Variants in RNMT observed in about 807,000 individuals in gnomAD.
The protein encoded by RNMT is mRNA cap guanine-N(7) methyltransferase.
RNMT carries 27 observed loss-of-function variants against 56.0 expected under a neutral mutation model. The ratio of observed to expected loss-of-function variants is 0.48; its 90% confidence interval spans 0.36 to 0.67. RNMT has a LOEUF of 0.67. Among genes scored for constraint, RNMT ranks in the 30% least tolerant of loss-of-function variants. The pLI is 0.00. For missense variants in RNMT, 519 were observed against 552.1 expected (o/e 0.94, Z 0.60); for synonymous variants, 184 against 176.2 (o/e 1.04, Z -0.35).
At position 13,763,415 on chromosome 18, in the gene RNMT, G is replaced by A. The variant is rs1052793109; in HGVS notation, c.*3436G>A. The stretch of plus-strand genomic sequence containing the variant: ...CTCCTTAGTGCCTGCACCTCACCAC[G>A]ATATTGAGGAAGCACAGGACATCCA... On this transcript the variant is annotated 3_prime_UTR_variant, in exon 12 of 12. Coordinates refer to ENST00000383314, the MANE Select transcript of RNMT (RefSeq NM_003799.3). 9.6e-5 allele frequency: 23 copies of A among 240,250 alleles called. No individual in the cohort carries two copies. Among genetic ancestry groups the A allele is most frequent in the Non-Finnish European group, 6.0e-5 (7 of 116,614 alleles). 14.9% of individuals were successfully genotyped at this position (240,250 alleles called of 1,614,324 possible). A position where few individuals can be genotyped will look rare whatever the true frequency, so the allele number is the denominator to read the frequency against.
chr18:13,730,348 A>G (rs141001639), intron 1 of RNMT: 2 of 152,184 alleles, frequency 1.3e-5, no homozygotes, highest in East Asian at 3.9e-4. Context: ...AGCCATTTCT[A>G]CTCTCTTCAC....
At chr18:13,735,823 C>G (rs1023591635) in intron 4 of RNMT, among the ~76,000 whole-genome samples, 3 of 152,124 alleles carry the variant, frequency 2.0e-5, no homozygotes, top group Non-Finnish European at 2.9e-5. Flanking sequence ...CCTTTTTCAG[C>G]TGTTCTAGCA....
intron 10 of RNMT, 75 bp from the exon 11 acceptor site, chr18:13,754,039 C>G: frequency 1.3e-6 from 1 of 790,240 alleles, no homozygotes; most frequent in African/African-American, 1.7e-5. Flanking sequence ...CCATCTCTGC[C>G]CATTATTTAG....
intron 5 of RNMT, among the ~76,000 whole-genome samples, chr18:13,737,538 G>A (rs1268676139): frequency 6.6e-6 from 1 of 150,960 alleles, no homozygotes; most frequent in African/African-American, 2.4e-5. Flanking sequence ...GCAAGACTCC[G>A]TCTCGAAAAA....
chr18:13,733,219 A>G (rs915716323), intron 3 of RNMT, among the ~76,000 whole-genome samples: 2 of 152,164 alleles, frequency 1.3e-5, no homozygotes, highest in African/African-American at 2.4e-5. Flanking sequence ...TTTGGCTGAA[A>G]AGGGAGGTAG....
chr18:13,759,919 ACT>A lies in RNMT; in HGVS notation c.1394-20_1394-19del, dbSNP rs1317906339. 3.8e-6 allele frequency: 6 copies of A among 1,574,064 alleles called. No individual in the cohort carries two copies. In the African/African-American group the frequency reaches 8.1e-5, roughly 21 times the overall value. ...TTATTGTAATCATATGAGAAACTGA[ACT>A]CTTATTTATTTCTTCTTTAGGTATT... On this transcript the variant is annotated intron_variant, in intron 11 of 11. Coordinates refer to ENST00000383314, the MANE Select transcript of RNMT (RefSeq NM_003799.3).
rs1375916277 is a variant in RNMT, at chr18:13,760,213, T to C, written c.*234T>C. On this transcript the variant is annotated 3_prime_UTR_variant, in exon 12 of 12. Transcript: ENST00000383314. ...TCTTTAAAAATCTATTTTTAGGTAA[T>C]GTTCTAAGAATTCCATTTGCCTCTA... is the stretch of plus-strand genomic sequence containing the variant. 7.3e-6 allele frequency: 9 copies of C among 1,232,788 alleles called. No individual in the cohort carries two copies. The African/African-American group carries it at 9.3e-5, about 13-fold the overall frequency. 76.4% of individuals were successfully genotyped at this position (1,232,788 alleles called of 1,614,324 possible).
intron 1 of RNMT, among the ~76,000 whole-genome samples, chr18:13,729,332 GTT>G (rs1228139475): frequency 6.6e-6 from 1 of 152,030 alleles, no homozygotes; most frequent in African/African-American, 2.4e-5. Flanking sequence ...ACCTAATTAT[GTT>G]TTTATTATGT....
At position 13,763,877 on chromosome 18, in the gene RNMT, C is replaced by T. The variant is rs1802815434; in HGVS notation, c.*3898C>T. 6.6e-6 allele frequency: 1 copy of T among 152,306 alleles called. No homozygotes were observed. Among genetic ancestry groups the T allele is most frequent in the Non-Finnish European group, 1.5e-5 (1 of 68,144 alleles). 9.4% of individuals were successfully genotyped at this position (152,306 alleles called of 1,614,324 possible). A position where few individuals can be genotyped will look rare whatever the true frequency, so the allele number is the denominator to read the frequency against. ...ATTCTTTTGGTTCAAAACGTTGATA[C>T]TTACTTAGATGTTCCCTGAGAGGAG... On this transcript the variant is annotated 3_prime_UTR_variant, in exon 12 of 12. Transcript: ENST00000383314.
Position 13,760,335 on chromosome 18 carries a change from T to C in RNMT, c.*356T>C. 1 of 1,016,674 alleles carries C rather than the reference T, an allele frequency of 9.8e-7. No individual in the cohort carries two copies. The highest frequency in any genetic ancestry group is 1.2e-6 in the Non-Finnish European group (1 of 849,586). The allele number at this position is 1,016,674 out of a possible 1,614,324, so 63.0% of individuals were successfully genotyped here. ...TCCTGTGTGTGTTTACAGTATTCAA[T>C]TTATTGCAGTTATAGAATTGGTCAG... On this transcript the variant is annotated 3_prime_UTR_variant, in exon 12 of 12. Transcript: ENST00000383314.
intron 6 of RNMT, among the ~76,000 whole-genome samples, chr18:13,740,926 T>A (rs2044241664): frequency 6.6e-6 from 1 of 152,240 alleles, no homozygotes; most frequent in African/African-American, 2.4e-5. Context: ...TCCCAACATA[T>A]CAGAGCCTGT....
rs968684018 is a variant in RNMT at position 13,762,214 on chromosome 18, G to A, written c.*2235G>A. On this transcript the variant is annotated 3_prime_UTR_variant, in exon 12 of 12. Coordinates refer to ENST00000383314, the MANE Select transcript of RNMT (RefSeq NM_003799.3). The stretch of plus-strand genomic sequence containing the variant: ...AGCTATTGGTGGGAATGACGGAACT[G>A]GGGATTGCGATGATTGATCTGGGAA... 3 of 1,471,584 alleles carry A rather than the reference G, an allele frequency of 2.0e-6. No homozygotes were observed. Among genetic ancestry groups the A allele is most frequent in the Middle Eastern group, 1.7e-4 (1 of 5,722 alleles). 91.2% of individuals were successfully genotyped at this position (1,471,584 alleles called of 1,614,324 possible).
At chr18:13,759,862 C>T (rs983315138) in intron 11 of RNMT, 80 bp from the exon 12 acceptor site, 19 of 1,296,846 alleles carry the variant, frequency 1.5e-5, no homozygotes, top group Non-Finnish European at 2.1e-5. Context: ...TAAGAATTTT[C>T]ACCAAATTAT....
intron 9 of RNMT, among the ~76,000 whole-genome samples, 196 bp from the exon 10 acceptor site, chr18:13,752,130 A>T (rs970266166): frequency 8.5e-5 from 13 of 152,176 alleles, no homozygotes; most frequent in Non-Finnish European, 1.8e-4. Context: ...TATAATATTT[A>T]AAAAAAATTG....
At chr18:13,754,368 C>T (rs571626695) in intron 11 of RNMT, among the ~76,000 whole-genome samples, 1 of 152,160 alleles carries the variant, frequency 6.6e-6, no homozygotes, top group East Asian at 1.9e-4. Context: ...ATTAGCCAGT[C>T]ATGGTGGCAT....
In RNMT at chr18:13,734,504, A is replaced by G. The variant is rs756578039; in HGVS notation, c.458A>G (p.Tyr153Cys). The change falls in exon 4 of 12, where the codon TAC becomes TGC. Residue 153 changes from tyrosine (Y) to cysteine (C), a missense_variant. Coordinates refer to ENST00000383314, the MANE Select transcript of RNMT (RefSeq NM_003799.3). ...EGHSSTVAAH[Y>C]NELQEVGLEK... is the part of the protein sequence containing the mutation. Reference sequence around the variant, plus strand: ...CACAGCTCAACAGTGGCTGCCCATTACAATGAACTTCAGGAAGTTGGTTTG... The same window carrying G: ...CACAGCTCAACAGTGGCTGCCCATTGCAATGAACTTCAGGAAGTTGGTTTG... The G allele has an allele frequency of 1.2e-6, 2 of 1,613,788 alleles. No individual in the cohort carries two copies. The highest frequency in any genetic ancestry group is 1.7e-5 in the Admixed American group (1 of 59,978).
chr18:13,760,801 G>C lies in RNMT; in HGVS notation c.*822G>C. On this transcript the variant is annotated 3_prime_UTR_variant, in exon 12 of 12. Coordinates refer to ENST00000383314, the MANE Select transcript of RNMT (RefSeq NM_003799.3). ...TTTTTCCAAATTTATACATGGAACT[G>C]CAGTAGGAATATTCTCACCATCTGA... 1.0e-6 allele frequency: 1 copy of C among 985,418 alleles called. No individual in the cohort carries two copies. The highest frequency in any genetic ancestry group is 1.2e-6 in the Non-Finnish European group (1 of 829,918). The allele number at this position is 985,418 out of a possible 1,614,324, so 61.0% of individuals were successfully genotyped here.
Position 13,740,160 on chromosome 18 carries a change from C to G in RNMT, c.680-7C>G, listed in dbSNP as rs1351707420. ...TGATACTTACTAATACCCTTCCATC[C>G]TTCCAGATATTGCCGATGTTTCTGT... On this transcript the variant is annotated splice_polypyrimidine_tract_variant and splice_region_variant and intron_variant, in intron 5 of 11. Coordinates refer to ENST00000383314, the MANE Select transcript of RNMT (RefSeq NM_003799.3). 16 of 1,560,916 alleles carry G rather than the reference C, an allele frequency of 1.0e-5. No individual in the cohort carries two copies. The South Asian group carries it at 1.7e-4, about 16-fold the overall frequency.
chr18:13,732,844 C>T (rs899119451), intron 3 of RNMT, among the ~76,000 whole-genome samples: 2 of 150,428 alleles, frequency 1.3e-5, no homozygotes. Flanking sequence ...CTCCCGGGAC[C>T]TCCACCTCCC....
Sources: allele counts gnomAD v4.1 joint callset (sites outside exome capture counted in the v4.1 genomes callset), GRCh38; gene constraint gnomAD v4.1.1; transcripts MANE v1.5; gene names NCBI Gene and HGNC (gene_info 2026-07-23, HGNC 2026-07-21).